The following RIMS2 variants were observed in gnomAD, a reference collection of about 807,000 sequenced individuals.
RIMS2 encodes the protein regulating synaptic membrane exocytosis protein 2.
Under a neutral mutation model 174.4 loss-of-function variants are expected in RIMS2, and 59 were observed. The observed-to-expected ratio is 0.34, with a 90% CI of 0.27 to 0.42. The LOEUF is 0.42. Ranked by LOEUF, RIMS2 falls within the 10% of genes least tolerant of loss-of-function variation. The probability of loss-of-function intolerance (pLI) is 1.00; values close to 1 mark genes in which losing one functional copy is unlikely to be tolerated. For synonymous variants in RIMS2, 606 were observed against 572.5 expected (o/e 1.06, Z -0.84); for missense variants, 1,620 against 1,666.3 (o/e 0.97, Z 0.48).
intron 3 of RIMS2, chr8:103,819,428 T>C: frequency 1.6e-5 from 26 of 1,589,688 alleles, no homozygotes; most frequent in Non-Finnish European, 2.0e-5. Flanking sequence ...CGTGTTTTTA[T>C]TTGATGGTGT....
intron 1 of RIMS2, among the ~76,000 whole-genome samples, chr8:103,685,476 C>T (rs2096930779): frequency 6.6e-6 from 1 of 152,116 alleles, no homozygotes; most frequent in Admixed American, 6.6e-5. Context: ...TCCCACCAGG[C>T]CCCACCTCCA....
At chr8:103,695,598 AT>A (rs2137229901) in intron 1 of RIMS2, among the ~76,000 whole-genome samples, 1 of 151,918 alleles carries the variant, frequency 6.6e-6, no homozygotes, top group Admixed American at 6.5e-5. Context: ...CTGCCAATGA[AT>A]TTCTTCAATA....
intron 3 of RIMS2, among the ~76,000 whole-genome samples, chr8:103,813,544 T>C (rs117725862): frequency 0.16 from 23,861 of 151,954 alleles, 1,984 homozygotes; most frequent in Middle Eastern, 0.24. Context: ...TAATGCTATC[T>C]CTCCCGCCTC....
At chr8:103,543,078 TTGTC>T (rs1843262885) in intron 1 of RIMS2, among the ~76,000 whole-genome samples, 1 of 152,142 alleles carries the variant, frequency 6.6e-6, no homozygotes, top group Non-Finnish European at 1.5e-5. Context: ...GGAAGTTAAA[TTGTC>T]TGTATTTGCA....
intron 19 of RIMS2, among the ~76,000 whole-genome samples, chr8:104,046,124 C>A (rs1399577338): frequency 2.0e-5 from 3 of 151,970 alleles, no homozygotes; most frequent in Non-Finnish European, 4.4e-5. Context: ...AAATTTATTT[C>A]TTACAATTCT....
chr8:104,216,353 T>C (rs967265732), intron 19 of RIMS2, among the ~76,000 whole-genome samples: 6 of 152,200 alleles, frequency 3.9e-5, no homozygotes, highest in African/African-American at 1.2e-4. Flanking sequence ...CTTATTATCA[T>C]GGTCAACAGT....
chr8:104,194,044 A>T (rs1410274683), intron 19 of RIMS2, among the ~76,000 whole-genome samples: 1 of 152,186 alleles, frequency 6.6e-6, no homozygotes, highest in Non-Finnish European at 1.5e-5. Context: ...GCCAAGAGCC[A>T]AAGATCTTCA....
At chr8:104,068,297 G>C (rs1194484035) in intron 19 of RIMS2, among the ~76,000 whole-genome samples, 1 of 152,030 alleles carries the variant, frequency 6.6e-6, no homozygotes, top group Non-Finnish European at 1.5e-5. Context: ...ATTTTATTCA[G>C]ATTGAAATTA....
intron 1 of RIMS2, among the ~76,000 whole-genome samples, chr8:103,627,972 A>G (rs1051326199): frequency 2.0e-5 from 3 of 152,186 alleles, no homozygotes; most frequent in Non-Finnish European, 4.4e-5. Flanking sequence ...AACTCTCTTC[A>G]TGGATTCAGG....
chr8:103,908,787 C>A (rs1441146604), intron 4 of RIMS2, among the ~76,000 whole-genome samples: 1 of 152,166 alleles, frequency 6.6e-6, no homozygotes, highest in Non-Finnish European at 1.5e-5. Flanking sequence ...TGGTGTCATA[C>A]AACCTAGTCT....
At chr8:104,013,466 G>A in exon 18 of RIMS2, 1 of 1,613,714 alleles carries the variant, frequency 6.2e-7, no homozygotes, top group Non-Finnish European at 8.5e-7. Flanking sequence ...CAGATAGACA[G>A]CCATATCACA....
chr8:103,842,529 T>C (rs1391469625), intron 3 of RIMS2, among the ~76,000 whole-genome samples: 1 of 152,166 alleles, frequency 6.6e-6, no homozygotes, highest in East Asian at 1.9e-4. Context: ...TGCTTAGGCC[T>C]TTTCTTCTCT....
chr8:103,792,256 G>C (rs544105020), intron 3 of RIMS2, among the ~76,000 whole-genome samples: 1 of 152,290 alleles, frequency 6.6e-6, no homozygotes, highest in East Asian at 1.9e-4. Flanking sequence ...TAGGACTCAG[G>C]ATTAAGAAAC....
At chr8:103,669,498 G>C (rs2096717887) in intron 1 of RIMS2, among the ~76,000 whole-genome samples, 1 of 152,144 alleles carries the variant, frequency 6.6e-6, no homozygotes, top group South Asian at 2.1e-4. Flanking sequence ...TCTCATTTGA[G>C]ACAAGGCAAG....
At chr8:104,033,150 C>T (rs1321994906) in intron 19 of RIMS2, among the ~76,000 whole-genome samples, 1 of 151,802 alleles carries the variant, frequency 6.6e-6, no homozygotes, top group Non-Finnish European at 1.5e-5. Flanking sequence ...CTGGAATTCA[C>T]ATTGGGAATT....
At chr8:103,830,588 T>C (rs2098819560) in intron 3 of RIMS2, among the ~76,000 whole-genome samples, 1 of 152,216 alleles carries the variant, frequency 6.6e-6, no homozygotes, top group South Asian at 2.1e-4. Context: ...CTGTACTTGC[T>C]GGATGTTGTG....
At chr8:104,062,365 C>T (rs2097016032) in intron 19 of RIMS2, among the ~76,000 whole-genome samples, 2 of 152,142 alleles carry the variant, frequency 1.3e-5, no homozygotes, top group Admixed American at 6.5e-5. Flanking sequence ...GATTGCACCA[C>T]TTCACTCCAG....
At chr8:103,904,737 G>A (rs777832988) in intron 4 of RIMS2, among the ~76,000 whole-genome samples, 4 of 151,880 alleles carry the variant, frequency 2.6e-5, no homozygotes, top group East Asian at 1.9e-4. Context: ...AACAATATTG[G>A]TCTACAGCTC....
intron 1 of RIMS2, among the ~76,000 whole-genome samples, chr8:103,549,767 T>A (rs886639347): frequency 6.6e-5 from 10 of 151,926 alleles, no homozygotes; most frequent in African/African-American, 2.4e-4. Context: ...AATAAAGGGA[T>A]GGAGGAAGAT....
Sources: gnomAD v4.1 joint callset for allele counts (sites outside exome capture counted in the v4.1 genomes callset) on GRCh38, gnomAD v4.1.1 for gene constraint, MANE v1.5 for transcripts, NCBI Gene and HGNC (gene_info 2026-07-23, HGNC 2026-07-21) for gene names.